The following SARAF variants were observed in gnomAD, a reference collection of about 807,000 sequenced individuals.
SARAF encodes store-operated calcium entry associated regulatory factor, also known as store-operated calcium entry-associated regulatory factor.
A neutral mutation model predicts 39.7 loss-of-function variants in SARAF; 23 were observed. The observed-to-expected ratio is 0.58, with a 90% CI of 0.42 to 0.82. The LOEUF is 0.82. Among genes scored for constraint, SARAF ranks in the 40% least tolerant of loss-of-function variants. The pLI is 0.00. For synonymous variants in SARAF, 175 were observed against 168.5 expected (o/e 1.04, Z -0.30); for missense variants, 384 against 418.5 (o/e 0.92, Z 0.72).
At chr8:30,073,121 CCT>C (rs751310404) in intron 2 of SARAF, among the ~76,000 whole-genome samples, 16 of 152,118 alleles carry the variant, frequency 1.1e-4, no homozygotes, top group Non-Finnish European at 2.1e-4. Flanking sequence ...ACATCAACTT[CCT>C]CTCTGAATTG....
At chr8:30,079,139 CAA>C (rs1247925089) in intron 1 of SARAF, among the ~76,000 whole-genome samples, 1 of 89,170 alleles carries the variant, frequency 1.1e-5, no homozygotes, top group Non-Finnish European at 2.0e-5. Context: ...GCCTGGGCGA[CAA>C]GAGTGAAACT....
At chr8:30,082,809 G>A (rs567952996) in intron 1 of SARAF, 38 bp downstream of exon 1, 108 of 1,410,436 alleles carry the variant, frequency 7.7e-5, no homozygotes, top group Non-Finnish European at 9.3e-5. Context: ...CGGCGGAAAA[G>A]GGCGAACGAA....
Position 30,069,941 on chromosome 8 carries a change from T to C in SARAF, c.401A>G (p.Tyr134Cys), listed in dbSNP as rs976682391. 7 of 1,613,980 alleles carry C rather than the reference T, an allele frequency of 4.3e-6. No individual in the cohort carries two copies. Among genetic ancestry groups the C allele is most frequent in the Non-Finnish European group, 5.1e-6 (6 of 1,180,028 alleles). The part of the protein sequence containing the change: ...YVLRGSCGLE[Y>C]NLDYTELGLQ... ...GCCAAGTTCTGTATAATCTAAATTA[T>C]ACTCCAAGCCACAAGAACCTCTTAG... Residue 134 changes from tyrosine to cysteine, a missense_variant, in exon 3 of 6, where the codon TAT becomes TGT. Transcript: ENST00000256255.
intron 3 of SARAF, 120 bp from the exon 4 acceptor site, chr8:30,067,038 C>T: frequency 9.7e-7 from 1 of 1,036,156 alleles, no homozygotes; most frequent in South Asian, 1.6e-5. Context: ...ACTCAGGCAT[C>T]AAGTTATTAA....
intron 4 of SARAF, 108 bp downstream of exon 4, chr8:30,066,669 T>G: frequency 7.2e-7 from 1 of 1,382,298 alleles, no homozygotes; most frequent in Non-Finnish European, 1.0e-6. Context: ...TTTAATAGGC[T>G]AACGTCACCA....
intron 1 of SARAF, among the ~76,000 whole-genome samples, chr8:30,080,849 TC>T (rs1802081512): frequency 6.6e-6 from 1 of 152,206 alleles, no homozygotes; most frequent in East Asian, 1.9e-4. Flanking sequence ...TTTAAAAAGT[TC>T]CTCAAAGTGC....
At chr8:30,068,242 T>C (rs1312642494) in intron 3 of SARAF, among the ~76,000 whole-genome samples, 1 of 152,194 alleles carries the variant, frequency 6.6e-6, no homozygotes, top group Non-Finnish European at 1.5e-5. Context: ...TCACTTGCAT[T>C]ACTACCTGAG....
At chr8:30,073,671 C>A in intron 2 of SARAF, 1 of 472,442 alleles carries the variant, frequency 2.1e-6, no homozygotes, top group Non-Finnish European at 3.7e-6. Flanking sequence ...GATACAAAAA[C>A]TAAAATGAGT....
intron 5 of SARAF, 49 bp downstream of exon 5, chr8:30,065,939 T>C (rs1472892534): frequency 6.3e-7 from 1 of 1,580,908 alleles, no homozygotes; most frequent in African/African-American, 1.3e-5. Flanking sequence ...CCCAAACTAT[T>C]TCTGTACTTT....
intron 1 of SARAF, among the ~76,000 whole-genome samples, chr8:30,075,702 C>G (rs76804732): frequency 2.3e-4 from 35 of 152,006 alleles, no homozygotes; most frequent in African/African-American, 7.7e-4. Flanking sequence ...TAATAGGCAT[C>G]GCTTTCTACC....
chr8:30,066,270 G>A, intron 4 of SARAF, 131 bp from the exon 5 acceptor site: 2 of 943,704 alleles, frequency 2.1e-6, no homozygotes, highest in Non-Finnish European at 3.1e-6. Flanking sequence ...TGGTATATCA[G>A]AGTTAACATG....
intron 5 of SARAF, 99 bp from the exon 6 acceptor site, chr8:30,064,012 G>C: frequency 5.7e-6 from 6 of 1,057,156 alleles, no homozygotes; most frequent in Non-Finnish European, 8.4e-6. Context: ...GCAAATGAAT[G>C]AGATAGGAGG....
In SARAF at chr8:30,066,090, A is replaced by T. The variant is rs777813800; in HGVS notation, c.892T>A (p.Ser298Thr). Residue 298 changes from serine (S) to threonine (T), a missense_variant, in exon 5 of 6, where the codon TCC (serine) becomes ACC (threonine). Ser to Thr is a moderately conservative substitution (Grantham distance 58). Coordinates refer to ENST00000256255, the MANE Select transcript of SARAF (RefSeq NM_016127.6). ...GCCCTATTCCACGTGCCAGGGTAGGAGGGAGGATAGGACGGGTAGTACCAC... is the reference window on the plus strand; with the variant it reads ...GCCCTATTCCACGTGCCAGGGTAGGTGGGAGGATAGGACGGGTAGTACCAC... ...DSWYYPSYPP[S>T]YPGTWNRAYS... 10 of 1,613,996 alleles carry T rather than the reference A, an allele frequency of 6.2e-6. No individual in the cohort carries two copies. The highest frequency in any genetic ancestry group is 5.3e-5 in the African/African-American group (4 of 74,876).
intron 2 of SARAF, among the ~76,000 whole-genome samples, chr8:30,071,074 T>C (rs1444999399): frequency 6.6e-6 from 1 of 152,150 alleles, no homozygotes; most frequent in African/African-American, 2.4e-5. Context: ...GGCGCGGTGG[T>C]TCATGCTTGT....
chr8:30,080,294 C>T (rs979440151), intron 1 of SARAF, among the ~76,000 whole-genome samples: 1 of 152,174 alleles, frequency 6.6e-6, no homozygotes, highest in African/African-American at 2.4e-5. Flanking sequence ...TTCCCTCCTA[C>T]CCTCTTCGGT....
At chr8:30,082,645 C>G in intron 1 of SARAF, 1 of 469,162 alleles carries the variant, frequency 2.1e-6, no homozygotes, top group Non-Finnish European at 3.8e-6. Context: ...CCCGCCCACT[C>G]GAGCAGTCCC....
intron 3 of SARAF, among the ~76,000 whole-genome samples, chr8:30,069,062 A>T (rs10046786): frequency 6.6e-6 from 1 of 151,046 alleles, no homozygotes; most frequent in Non-Finnish European, 1.5e-5. Context: ...GTGAGACAGG[A>T]GTCAGGGCAA....
Position 30,082,875 on chromosome 8 carries a change from C to T in SARAF, c.75G>A (p.Ala25=). 6.4e-7 allele frequency: 1 copy of T among 1,556,424 alleles called. No homozygotes were observed. Among genetic ancestry groups the T allele is most frequent in the Non-Finnish European group, 8.7e-7 (1 of 1,152,658 alleles). Residue 25 remains alanine, a synonymous_variant, in exon 1 of 6, where the codon GCG becomes GCA. Transcript: ENST00000256255. ...GGTCGTTCCAGCCCAGGGCAGGGCC[C>T]GCGGTCAGCAGAAACAAATGCAAGC... is the stretch of plus-strand genomic sequence containing the variant. ...LLGLHLFLLT[A]GPALGWNDPD...
At chr8:30,069,567 T>C in intron 3 of SARAF, 75 bp downstream of exon 3, 1 of 1,429,676 alleles carries the variant, frequency 7.0e-7, no homozygotes, top group Non-Finnish European at 9.4e-7. Flanking sequence ...GCAACGATTT[T>C]CTATTTCAGA....
Sources: gnomAD v4.1 joint callset for allele counts (sites outside exome capture counted in the v4.1 genomes callset) on GRCh38, gnomAD v4.1.1 for gene constraint, MANE v1.5 for transcripts, NCBI Gene and HGNC (gene_info 2026-07-23, HGNC 2026-07-21) for gene names.